MCTP2: variants seen among roughly 807,000 people sequenced by gnomAD.
The protein encoded by MCTP2 is multiple C2 and transmembrane domain-containing protein 2.
A neutral mutation model predicts 111.6 loss-of-function variants in MCTP2; 132 were observed. That is an observed-to-expected ratio of 1.18 (90% CI 1.03 to 1.37). The LOEUF is 1.37. Ranked by LOEUF, MCTP2 falls within the 40% of genes most tolerant of loss-of-function variation. The pLI, the probability that MCTP2 is intolerant of heterozygous loss-of-function variation, is 0.00. For missense variants in MCTP2, 1,183 were observed against 1,067.9 expected (o/e 1.11, Z -1.50); for synonymous variants, 395 against 387.7 (o/e 1.02, Z -0.22).
intron 10 of MCTP2, among the ~76,000 whole-genome samples, chr15:94,367,325 C>T (rs1392176514): frequency 6.6e-6 from 1 of 152,178 alleles, no homozygotes; most frequent in African/African-American, 2.4e-5. Context: ...TATCTTTCTG[C>T]AGACCTTATT....
intron 2 of MCTP2, among the ~76,000 whole-genome samples, chr15:94,300,963 C>A (rs182504060): frequency 6.6e-6 from 1 of 151,990 alleles, no homozygotes; most frequent in Non-Finnish European, 1.5e-5. Flanking sequence ...GTGGGCTGGT[C>A]CATGATAGTA....
chr15:94,479,072 T>C lies in MCTP2; in HGVS notation c.*38T>C. On this transcript the variant is annotated 3_prime_UTR_variant, in exon 23 of 23. Transcript: ENST00000357742. ...CTTTGGACAGCAGCACCCAATATTG[T>C]GTTTGGTTGAGTAGACCAATGTTAT... The C allele has an allele frequency of 6.2e-7, 1 of 1,603,162 alleles. No individual in the cohort carries two copies. The highest frequency in any genetic ancestry group is 8.5e-7 in the Non-Finnish European group (1 of 1,170,292).
chr15:94,467,019 G>C (rs1246114180), intron 20 of MCTP2, among the ~76,000 whole-genome samples: 1 of 152,012 alleles, frequency 6.6e-6, no homozygotes, highest in Non-Finnish European at 1.5e-5. Context: ...AAAAATGAGG[G>C]TAGCTAACAC....
At chr15:94,299,006 T>TCTCCCTCTCTCC (rs1195920743) in intron 2 of MCTP2, among the ~76,000 whole-genome samples, 2 of 77,382 alleles carry the variant, frequency 2.6e-5, no homozygotes, top group Non-Finnish European at 5.2e-5. Context: ...CCTCTCCCTC[T>TCTCCCTCTCTCC]CTCCCTCTCT....
intron 17 of MCTP2, among the ~76,000 whole-genome samples, chr15:94,420,115 A>G (rs1437288032): frequency 6.6e-6 from 1 of 152,186 alleles, no homozygotes; most frequent in Non-Finnish European, 1.5e-5. Flanking sequence ...CCTGTGCTCT[A>G]TAAATGGAAC....
At chr15:94,446,565 T>C (rs1267083143) in intron 19 of MCTP2, among the ~76,000 whole-genome samples, 1 of 152,192 alleles carries the variant, frequency 6.6e-6, no homozygotes, top group African/African-American at 2.4e-5. Flanking sequence ...AAGACAATAA[T>C]ATCTTGTTTT....
intron 12 of MCTP2, among the ~76,000 whole-genome samples, chr15:94,373,036 G>A (rs183768735): frequency 1.3e-5 from 2 of 152,276 alleles, no homozygotes; most frequent in Admixed American, 6.5e-5. Flanking sequence ...TAGTCCATAC[G>A]GAGGTTATAG....
chr15:94,316,869 C>T (rs970467951), intron 4 of MCTP2, among the ~76,000 whole-genome samples: 2 of 151,980 alleles, frequency 1.3e-5, no homozygotes, highest in African/African-American at 4.8e-5. Context: ...ACGGTTTCTC[C>T]TGTTGCTTCC....
intron 12 of MCTP2, among the ~76,000 whole-genome samples, chr15:94,378,674 C>T (rs1449823976): frequency 6.6e-6 from 1 of 152,170 alleles, no homozygotes. Flanking sequence ...TTCTTGCAGT[C>T]CTAGTATGGA....
intron 1 of MCTP2, among the ~76,000 whole-genome samples, chr15:94,295,352 T>C (rs7176568): frequency 0.31 from 47,422 of 151,402 alleles, 7,739 homozygotes; most frequent in East Asian, 0.43. Flanking sequence ...AAACTTGTAA[T>C]ATATCTGTCT....
chr15:94,428,030 T>A (rs2082979967), intron 17 of MCTP2, among the ~76,000 whole-genome samples: 1 of 152,222 alleles, frequency 6.6e-6, no homozygotes, highest in African/African-American at 2.4e-5. Flanking sequence ...ACAGTCTCAT[T>A]ACAAATTATG....
At chr15:94,243,995 ATATT>A (rs555010401) in intron 1 of MCTP2, among the ~76,000 whole-genome samples, 45 of 147,364 alleles carry the variant, frequency 3.1e-4, no homozygotes, top group Admixed American at 1.4e-3. Context: ...ATATGTGTAT[ATATT>A]TATGCACACA....
intron 4 of MCTP2, among the ~76,000 whole-genome samples, chr15:94,324,753 A>G (rs770952379): frequency 5.9e-5 from 9 of 152,170 alleles, no homozygotes; most frequent in Non-Finnish European, 8.8e-5. Flanking sequence ...ATGCTATGTA[A>G]TCGCTGTTAC....
rs1567543134 is a variant in MCTP2 at position 94,367,700 on chromosome 15, CACTT to C, written c.1400_1403del (p.Leu467HisfsTer16). 6.2e-7 allele frequency: 1 copy of C among 1,610,832 alleles called. No individual in the cohort carries two copies. Among genetic ancestry groups the C allele is most frequent in the Non-Finnish European group, 8.5e-7 (1 of 1,178,734 alleles). ...CTGGGGGCTCTCCTTATGTTGGTCA[CACTT>C]ACACCCTGTGCGGGGGTCTCCGTCT... On this transcript the variant is annotated frameshift_variant, in exon 11 of 23. Coordinates refer to ENST00000357742, the MANE Select transcript of MCTP2 (RefSeq NM_001385001.1). LOFTEE classifies it high-confidence loss of function.
At chr15:94,292,911 T>G (rs76615362) in intron 1 of MCTP2, 4 of 152,318 alleles carry the variant, frequency 2.6e-5, no homozygotes, top group African/African-American at 9.6e-5. Context: ...GAGTCAAGGT[T>G]ATCTACTACA....
At chr15:94,471,760 A>G (rs796714368) in intron 21 of MCTP2, among the ~76,000 whole-genome samples, 20 of 27,440 alleles carry the variant, frequency 7.3e-4, no homozygotes, top group South Asian at 1.4e-3. Flanking sequence ...GCATATTTTG[A>G]AAAAAAAAAA....
intron 1 of MCTP2, among the ~76,000 whole-genome samples, chr15:94,277,608 C>T (rs578020054): frequency 6.6e-6 from 1 of 152,216 alleles, no homozygotes; most frequent in African/African-American, 2.4e-5. Context: ...CTTTGACATT[C>T]TGGGAAGGAC....
chr15:94,454,959 T>A (rs2084718748), intron 19 of MCTP2, among the ~76,000 whole-genome samples: 2 of 152,190 alleles, frequency 1.3e-5, no homozygotes, highest in African/African-American at 4.8e-5. Context: ...TAGCTGGGAT[T>A]ACAGGCATGT....
Position 94,279,448 on chromosome 15 carries a change from A to AT in MCTP2, c.-65-18743dup, listed in dbSNP as rs34280644. 5.2e-3 allele frequency among the ~76,000 whole-genome samples: 781 copies of AT among 150,020 alleles called. 6 individuals carry two copies. The highest frequency in any genetic ancestry group is 0.018 in the African/African-American group (724 of 40,958). ...TTACTGATTTATAGAAATGTTACTG[A>AT]TTTTTTTTTTACTTGATTTTGTATC... On this transcript the variant is annotated intron_variant, in intron 1 of 22. Transcript: ENST00000357742.
Sources: allele counts gnomAD v4.1 joint callset (sites outside exome capture counted in the v4.1 genomes callset), GRCh38; gene constraint gnomAD v4.1.1; transcripts MANE v1.5; gene names NCBI Gene and HGNC (gene_info 2026-07-23, HGNC 2026-07-21).